Variants in MMP26 observed in about 807,000 individuals in gnomAD.
MMP26 encodes the protein matrix metallopeptidase 26, also known as matrix metalloproteinase-26.
A neutral mutation model predicts 31.0 loss-of-function variants in MMP26; 33 were observed. The ratio of observed to expected loss-of-function variants is 1.06; its 90% CI spans 0.81 to 1.42. The LOEUF is 1.42. Among genes scored for constraint, MMP26 ranks in the 40% most tolerant of loss-of-function variants. The pLI is 0.00. For missense variants in MMP26, 347 were observed against 316.1 expected (o/e 1.10, Z -0.74); for synonymous variants, 122 against 114.9 (o/e 1.06, Z -0.40).
At chr11:4,847,663 A>G (rs1849892165) in intron 2 of MMP26, 1 of 152,216 alleles carries the variant, frequency 6.6e-6, no homozygotes, top group African/African-American at 2.4e-5. Context: ...TAAATGAAGA[A>G]TTAAAAAAAT....
rs1456321970 is a variant in MMP26 at position 4,948,479 on chromosome 11, G to A, written c.-144-39589G>A. Among the ~76,000 whole-genome samples, 10 of 123,766 alleles carry A rather than the reference G, an allele frequency of 8.1e-5. 3 individuals are homozygous for A. The highest frequency in any genetic ancestry group is 1.8e-4 in the Admixed American group (2 of 11,110). 81.2% of individuals were successfully genotyped at this position (123,766 alleles called of 152,430 possible). ...TTACTGATAATTAAGTATATAGCAC[G>A]CTATCAGGTTTGCCAAGCAATATTT... is the stretch of plus-strand genomic sequence containing the variant. On this transcript the variant is annotated intron_variant, in intron 2 of 7. Transcript: ENST00000380390.
intron 2 of MMP26, among the ~76,000 whole-genome samples, chr11:4,987,474 A>G (rs1215524604): frequency 6.6e-6 from 1 of 151,190 alleles, no homozygotes; most frequent in African/African-American, 2.4e-5. Flanking sequence ...GCTGGAGTGC[A>G]GTGGCGCGAT....
At chr11:4,764,608 C>T (rs1419671244) in intron 1 of MMP26, among the ~76,000 whole-genome samples, 1 of 152,202 alleles carries the variant, frequency 6.6e-6, no homozygotes, top group African/African-American at 2.4e-5. Flanking sequence ...CAGTGGTTCA[C>T]GCCTGTAATC....
chr11:4,960,693 C>T (rs1440067060), intron 2 of MMP26, among the ~76,000 whole-genome samples: 1 of 151,108 alleles, frequency 6.6e-6, no homozygotes, highest in East Asian at 1.9e-4. Flanking sequence ...AATTACAGTA[C>T]CAAAAGGCCA....
At chr11:4,819,811 C>G (rs1273487851) in intron 2 of MMP26, among the ~76,000 whole-genome samples, 1 of 151,942 alleles carries the variant, frequency 6.6e-6, no homozygotes, top group Non-Finnish European at 1.5e-5. Context: ...AACTCCTGGG[C>G]TCAAGTGATC....
chr11:4,847,196 G>A (rs1589918037), intron 2 of MMP26, among the ~76,000 whole-genome samples: 2 of 152,282 alleles, frequency 1.3e-5, no homozygotes, highest in East Asian at 3.9e-4. Flanking sequence ...GGACCACAAT[G>A]GCCAGAGAAA....
chr11:4,901,480 T>TTG (rs1850802089), intron 2 of MMP26, among the ~76,000 whole-genome samples: 1 of 152,024 alleles, frequency 6.6e-6, no homozygotes, highest in African/African-American at 2.4e-5. Flanking sequence ...GCTCTTTCAG[T>TTG]TGTGCTTGAT....
chr11:4,744,612 T>G (rs1848355976), intron 1 of MMP26, among the ~76,000 whole-genome samples: 1 of 152,192 alleles, frequency 6.6e-6, no homozygotes, highest in Non-Finnish European at 1.5e-5. Flanking sequence ...ATCATTTACC[T>G]CGCCCCACAA....
intron 2 of MMP26, among the ~76,000 whole-genome samples, chr11:4,783,369 G>A (rs1848891784): frequency 6.6e-6 from 1 of 152,192 alleles, no homozygotes; most frequent in Admixed American, 6.5e-5. Flanking sequence ...TGTGGGGCTT[G>A]TAACCCCTTT....
At chr11:4,781,852 T>C (rs1589898819) in intron 2 of MMP26, among the ~76,000 whole-genome samples, 1 of 152,284 alleles carries the variant, frequency 6.6e-6, no homozygotes, top group South Asian at 2.1e-4. Context: ...CAAGAGCTGA[T>C]GGTTTGATAA....
chr11:4,749,532 A>T (rs182449805), intron 1 of MMP26, among the ~76,000 whole-genome samples: 2 of 152,158 alleles, frequency 1.3e-5, no homozygotes, highest in Non-Finnish European at 2.9e-5. Context: ...AAATTGTACT[A>T]CAAGGCTATA....
intron 2 of MMP26, among the ~76,000 whole-genome samples, chr11:4,950,609 C>G (rs1459016516): frequency 8.2e-6 from 1 of 121,338 alleles, no homozygotes; most frequent in Non-Finnish European, 1.9e-5. Flanking sequence ...GCACAGCATG[C>G]TGAATATAGC....
intron 2 of MMP26, among the ~76,000 whole-genome samples, chr11:4,954,101 G>A (rs974563032): frequency 1.6e-5 from 2 of 125,720 alleles, no homozygotes; most frequent in African/African-American, 2.7e-5. Flanking sequence ...AGAAGTGAGA[G>A]TTCAAATTTA....
At chr11:4,824,106 G>A (rs898528499) in intron 2 of MMP26, among the ~76,000 whole-genome samples, 1 of 152,090 alleles carries the variant, frequency 6.6e-6, no homozygotes, top group Non-Finnish European at 1.5e-5. Context: ...ACTGGTAGTA[G>A]CATTGTGGGA....
chr11:4,872,373 C>T (rs529864932), intron 2 of MMP26, among the ~76,000 whole-genome samples: 1 of 152,102 alleles, frequency 6.6e-6, no homozygotes, highest in Admixed American at 6.6e-5. Flanking sequence ...ATTTCCTTCT[C>T]CTTTTCATTA....
rs980499514 is a variant in MMP26, at chr11:4,706,138, ATTGT to A, written c.-217+1097_-217+1100del. On this transcript the variant is annotated intron_variant, in intron 1 of 7. Coordinates refer to ENST00000380390, the MANE Select transcript of MMP26 (RefSeq NM_021801.5). ...GGGGGACTCAGATTCAGTGAAGTAAATTGTTTGGCACGTAGAAGGCATTAAATAC... is the reference window on the plus strand; with the variant it reads ...GGGGGACTCAGATTCAGTGAAGTAAATTGGCACGTAGAAGGCATTAAATAC... 4.6e-5 allele frequency among the ~76,000 whole-genome samples: 7 copies of A among 152,314 alleles called. 1 individual carries two copies. Among genetic ancestry groups the A allele is most frequent in the Admixed American group, 6.5e-5 (1 of 15,302 alleles).
At chr11:4,764,036 A>C (rs1390275527) in intron 1 of MMP26, among the ~76,000 whole-genome samples, 1 of 152,176 alleles carries the variant, frequency 6.6e-6, no homozygotes, top group East Asian at 1.9e-4. Flanking sequence ...CTGCCTAATA[A>C]AGTAAGATTT....
intron 2 of MMP26, chr11:4,769,282 A>G (rs753013334): frequency 3.1e-6 from 5 of 1,613,756 alleles, no homozygotes; most frequent in South Asian, 2.2e-5. Flanking sequence ...TGCATGGTGT[A>G]TCTATTCCAG....
At chr11:4,763,222 A>T (rs1422927352) in intron 1 of MMP26, among the ~76,000 whole-genome samples, 1 of 152,156 alleles carries the variant, frequency 6.6e-6, no homozygotes, top group Non-Finnish European at 1.5e-5. Context: ...GTTAAACGTT[A>T]CCAGTTTGAA....
Sources: gnomAD v4.1 joint callset for allele counts (sites outside exome capture counted in the v4.1 genomes callset) on GRCh38, gnomAD v4.1.1 for gene constraint, MANE v1.5 for transcripts, NCBI Gene and HGNC (gene_info 2026-07-23, HGNC 2026-07-21) for gene names.